EXOC2: variants seen among roughly 807,000 people sequenced by gnomAD.
The protein encoded by EXOC2 is exocyst complex component 2.
In EXOC2, 70 loss-of-function variants were observed where a neutral mutation model predicts 131.8. The ratio of observed to expected loss-of-function variants is 0.53; its 90% CI spans 0.44 to 0.65. EXOC2 has a LOEUF of 0.65. Among genes scored for constraint, EXOC2 ranks in the 30% least tolerant of loss-of-function variants. The probability of loss-of-function intolerance (pLI) is 0.00; values close to 1 mark genes in which losing one functional copy is unlikely to be tolerated. For synonymous variants in EXOC2, 411 were observed against 398.4 expected, an observed-to-expected ratio of 1.03 and a Z score of -0.38; for missense variants, 923 against 1,108.6, an observed-to-expected ratio of 0.83 and a Z score of 2.38.
At chr6:576,432 T>C (rs1397919421) in intron 12 of EXOC2, among the ~76,000 whole-genome samples, 1 of 152,208 alleles carries the variant, frequency 6.6e-6, no homozygotes, top group African/African-American at 2.4e-5. Flanking sequence ...AAATTCCATC[T>C]TAATGAAGTT....
At chr6:676,939 C>CTTCTGGAGACTGCGGTTCCCCATA (rs1764164663) in intron 1 of EXOC2, among the ~76,000 whole-genome samples, 2 of 75,606 alleles carry the variant, frequency 2.6e-5, no homozygotes, top group African/African-American at 3.9e-5. Context: ...AGGACAGGTT[C>CTTCTGGAGACTGCGGTTCCCCATA]CTCTGAAGAC....
At chr6:588,164 T>A (rs1759322203) in intron 11 of EXOC2, among the ~76,000 whole-genome samples, 1 of 152,196 alleles carries the variant, frequency 6.6e-6, no homozygotes, top group South Asian at 2.1e-4. Flanking sequence ...ACCCCAATTT[T>A]CCAGTTAAAA....
At chr6:499,316 A>G (rs1763906379) in intron 24 of EXOC2, among the ~76,000 whole-genome samples, 1 of 152,216 alleles carries the variant, frequency 6.6e-6, no homozygotes, top group South Asian at 2.1e-4. Context: ...TAAGGGATTT[A>G]CTATTCTTTG....
At chr6:652,757 C>T (rs1278115892) in intron 1 of EXOC2, among the ~76,000 whole-genome samples, 1 of 152,150 alleles carries the variant, frequency 6.6e-6, no homozygotes, top group Non-Finnish European at 1.5e-5. Context: ...AAAAATTACC[C>T]TTAAAGCAAC....
intron 13 of EXOC2, among the ~76,000 whole-genome samples, chr6:569,170 CAATT>C (rs764050385): frequency 1.2e-4 from 18 of 152,158 alleles, no homozygotes; most frequent in Non-Finnish European, 1.9e-4. Flanking sequence ...TAATATTCAT[CAATT>C]ATTTGGCTGT....
intron 1 of EXOC2, among the ~76,000 whole-genome samples, chr6:657,906 A>G (rs368469608): frequency 6.6e-6 from 1 of 152,302 alleles, no homozygotes; most frequent in East Asian, 1.9e-4. Context: ...TGTACTGTAA[A>G]TATCTTCCCC....
At chr6:585,543 T>C (rs750931415) in intron 11 of EXOC2, among the ~76,000 whole-genome samples, 2 of 152,226 alleles carry the variant, frequency 1.3e-5, no homozygotes, top group Non-Finnish European at 2.9e-5. Context: ...AGGAGCTTTC[T>C]CGGAAAAAGG....
intron 22 of EXOC2, among the ~76,000 whole-genome samples, chr6:537,242 G>A (rs946134898): frequency 3.3e-5 from 5 of 150,512 alleles, no homozygotes; most frequent in Admixed American, 6.6e-5. Flanking sequence ...GATGACGGCC[G>A]ACGGAGGGCA....
chr6:640,413 C>A (rs143908832), intron 1 of EXOC2, among the ~76,000 whole-genome samples: 4 of 152,078 alleles, frequency 2.6e-5, no homozygotes, highest in East Asian at 3.8e-4. Flanking sequence ...GGAAGAAAGA[C>A]AAACAAGAAA....
intron 1 of EXOC2, among the ~76,000 whole-genome samples, chr6:646,316 T>C (rs959287412): frequency 1.3e-5 from 2 of 151,454 alleles, no homozygotes; most frequent in East Asian, 1.9e-4. Flanking sequence ...CACAAAAACA[T>C]AGACAGACAG....
chr6:531,777 C>A (rs1320819903), intron 23 of EXOC2, among the ~76,000 whole-genome samples: 2 of 152,248 alleles, frequency 1.3e-5, no homozygotes, highest in African/African-American at 2.4e-5. Flanking sequence ...ACCACTTCTA[C>A]ATAAACTACT....
intron 22 of EXOC2, among the ~76,000 whole-genome samples, chr6:543,957 G>C (rs1299005728): frequency 6.6e-6 from 1 of 152,204 alleles, no homozygotes; most frequent in Non-Finnish European, 1.5e-5. Flanking sequence ...GTCAGTGATG[G>C]GTGAAGCTGT....
chr6:650,321 T>C (rs1762773065), intron 1 of EXOC2, among the ~76,000 whole-genome samples: 1 of 152,240 alleles, frequency 6.6e-6, no homozygotes, highest in South Asian at 2.1e-4. Context: ...GATGATTGGA[T>C]GAGATCAGCT....
chr6:548,149 T>C (rs1243697176), intron 22 of EXOC2, among the ~76,000 whole-genome samples: 19 of 152,212 alleles, frequency 1.2e-4, no homozygotes, highest in Admixed American at 1.2e-3. Flanking sequence ...AACTAGACAT[T>C]TGGCCCCAAA....
intron 22 of EXOC2, among the ~76,000 whole-genome samples, chr6:535,941 C>T (rs898547857): frequency 6.6e-6 from 1 of 152,146 alleles, no homozygotes; most frequent in Non-Finnish European, 1.5e-5. Flanking sequence ...AAAAACATAT[C>T]ATGCAGAAGT....
chr6:592,557 G>A lies in EXOC2; in HGVS notation c.1104C>T (p.Asp368=), dbSNP rs188935346. The A allele has an allele frequency of 1.7e-5, 27 of 1,614,032 alleles. No individual in the cohort carries two copies. In the East Asian group the frequency reaches 5.1e-4, roughly 31 times the overall value. ...GGGCTCCAATGCATTGCCAAGCAGG[G>A]TCACCAGACGCATGAAGGTCAGACA... ...RYLSDLHASG[D]PAWQCIGAQH... The change falls in exon 11 of 28, where the codon GAC becomes GAT. Residue 368 remains aspartate (D), a synonymous_variant. Transcript: ENST00000230449.
In EXOC2 at chr6:586,807, A is replaced by G. The variant is rs533993436; in HGVS notation, c.1192+5662T>C. On this transcript the variant is annotated intron_variant, in intron 11 of 27. Coordinates refer to ENST00000230449, the MANE Select transcript of EXOC2 (RefSeq NM_018303.6). ...ACACCCACTAGTCCCACCCCTGCTC[A>G]GGATACGGAGGACGTGTCTGGACAC... 5.3e-5 allele frequency among the ~76,000 whole-genome samples: 8 copies of G among 152,260 alleles called. No homozygotes were observed. The South Asian group carries it at 1.5e-3, about 28-fold the overall frequency.
At chr6:527,965 A>G (rs1216068657) in intron 23 of EXOC2, among the ~76,000 whole-genome samples, 1 of 152,244 alleles carries the variant, frequency 6.6e-6, no homozygotes, top group African/African-American at 2.4e-5. Flanking sequence ...TTGTAAGTAA[A>G]GACCAACAGT....
intron 2 of EXOC2, among the ~76,000 whole-genome samples, chr6:636,749 G>A (rs890406961): frequency 2.0e-5 from 3 of 152,144 alleles, no homozygotes; most frequent in Non-Finnish European, 4.4e-5. Context: ...ACAGAGAGGG[G>A]CCTTTCCCTT....
Sources: gnomAD v4.1 joint callset for allele counts (sites outside exome capture counted in the v4.1 genomes callset) on GRCh38, gnomAD v4.1.1 for gene constraint, MANE v1.5 for transcripts, NCBI Gene and HGNC (gene_info 2026-07-23, HGNC 2026-07-21) for gene names.